The following PPHLN1 variants were observed in gnomAD, a reference collection of about 807,000 sequenced individuals.
The protein encoded by PPHLN1 is periphilin 1.
Under a neutral mutation model 51.3 loss-of-function variants are expected in PPHLN1, and 29 were observed. The ratio of observed to expected loss-of-function variants is 0.57; its 90% CI spans 0.42 to 0.77. PPHLN1 has a LOEUF of 0.77. Ranked by LOEUF, PPHLN1 falls within the 30% of genes least tolerant of loss-of-function variation. The pLI, the probability that PPHLN1 is intolerant of heterozygous loss-of-function variation, is 0.00. For synonymous variants in PPHLN1, 147 were observed against 147.8 expected (o/e 0.99, Z 0.04); for missense variants, 436 against 438.4 (o/e 0.99, Z 0.05).
At chr12:42,441,243 C>T in intron 9 of PPHLN1, 72 bp from the exon 10 acceptor site, 1 of 1,478,398 alleles carries the variant, frequency 6.8e-7, no homozygotes, top group South Asian at 1.5e-5. Flanking sequence ...CATAATTCTG[C>T]CAACTCAGTT....
At chr12:42,376,245 T>C in intron 5 of PPHLN1, among the ~76,000 whole-genome samples, 1 of 152,210 alleles carries the variant, frequency 6.6e-6, no homozygotes, top group East Asian at 1.9e-4. Context: ...TCATTAACTG[T>C]CTTTTTTTCA....
intron 4 of PPHLN1, 37 bp from the exon 5 acceptor site, chr12:42,374,826 A>G (rs2076114300): frequency 1.3e-6 from 2 of 1,482,446 alleles, no homozygotes; most frequent in African/African-American, 1.5e-5. Flanking sequence ...AGGATAGAGT[A>G]TAATTAACTT....
chr12:42,354,799 G>A (rs1203322106), intron 3 of PPHLN1, among the ~76,000 whole-genome samples: 4 of 152,140 alleles, frequency 2.6e-5, no homozygotes, highest in African/African-American at 7.2e-5. Context: ...ACTGAAAATT[G>A]GTGAGAGAAC....
At chr12:42,393,004 C>A (rs1392264595) in intron 7 of PPHLN1, among the ~76,000 whole-genome samples, 2 of 152,138 alleles carry the variant, frequency 1.3e-5, no homozygotes, top group African/African-American at 4.8e-5. Context: ...AAAGCCAGGT[C>A]TGTATATAAC....
intron 9 of PPHLN1, among the ~76,000 whole-genome samples, chr12:42,420,475 T>A (rs2139680643): frequency 6.6e-6 from 1 of 152,060 alleles, no homozygotes; most frequent in South Asian, 2.1e-4. Context: ...AAATGATTTT[T>A]TTTTTTTTTC....
At chr12:42,419,311 GGCTCACT>G (rs951842047) in intron 9 of PPHLN1, among the ~76,000 whole-genome samples, 6 of 151,262 alleles carry the variant, frequency 4.0e-5, no homozygotes, top group African/African-American at 1.5e-4. Context: ...GTGTGATCTC[GGCTCACT>G]GCAACCTCTG....
chr12:42,396,183 T>A (rs2078180726), intron 8 of PPHLN1, among the ~76,000 whole-genome samples: 1 of 152,178 alleles, frequency 6.6e-6, no homozygotes, highest in Non-Finnish European at 1.5e-5. Flanking sequence ...TAATTTATTA[T>A]TAATATGTTC....
intron 9 of PPHLN1, among the ~76,000 whole-genome samples, chr12:42,408,768 A>G (rs1442782923): frequency 6.6e-6 from 1 of 152,188 alleles, no homozygotes; most frequent in Non-Finnish European, 1.5e-5. Context: ...ATCTGCTATT[A>G]TTGTTTTGTG....
intron 9 of PPHLN1, among the ~76,000 whole-genome samples, chr12:42,404,261 G>A (rs1333967116): frequency 6.6e-6 from 1 of 152,144 alleles, no homozygotes; most frequent in Non-Finnish European, 1.5e-5. Context: ...GGGCACAGTG[G>A]CTCACGCCTG....
chr12:42,333,138 G>A (rs953384485), intron 1 of PPHLN1, among the ~76,000 whole-genome samples: 4 of 152,064 alleles, frequency 2.6e-5, no homozygotes, highest in African/African-American at 7.2e-5. Context: ...TCTTTGCTTA[G>A]CAGTATATCT....
chr12:42,340,138 C>G (rs1163809609), intron 2 of PPHLN1, among the ~76,000 whole-genome samples: 1 of 151,664 alleles, frequency 6.6e-6, no homozygotes, highest in Non-Finnish European at 1.5e-5. Flanking sequence ...GAGACCCTGT[C>G]TCTACAAAAA....
intron 3 of PPHLN1, among the ~76,000 whole-genome samples, chr12:42,352,704 A>T (rs2073530634): frequency 6.6e-6 from 1 of 151,878 alleles, no homozygotes; most frequent in African/African-American, 2.4e-5. Context: ...AAGTGTTAGG[A>T]TTATAGGTGT....
intron 5 of PPHLN1, among the ~76,000 whole-genome samples, chr12:42,383,388 T>C (rs2076920775): frequency 1.3e-5 from 2 of 152,202 alleles, no homozygotes; most frequent in Admixed American, 1.3e-4. Context: ...TTCTCTGAAA[T>C]ATCACCATTA....
chr12:42,368,201 C>T (rs1045263814), intron 4 of PPHLN1, among the ~76,000 whole-genome samples: 1 of 152,084 alleles, frequency 6.6e-6, no homozygotes, highest in Non-Finnish European at 1.5e-5. Flanking sequence ...TTCCTGCATA[C>T]TTACAAATTT....
At chr12:42,415,911 A>G (rs558057697) in intron 9 of PPHLN1, among the ~76,000 whole-genome samples, 1 of 152,322 alleles carries the variant, frequency 6.6e-6, no homozygotes, top group East Asian at 1.9e-4. Flanking sequence ...GCTTTCTAAT[A>G]TGCTTATTTG....
chr12:42,388,587 C>T (rs1477432453), intron 7 of PPHLN1, among the ~76,000 whole-genome samples: 1 of 152,044 alleles, frequency 6.6e-6, no homozygotes, highest in Non-Finnish European at 1.5e-5. Flanking sequence ...TTATGGTGAG[C>T]GTCGGTCCCC....
At chr12:42,377,088 A>C (rs1415081579) in intron 5 of PPHLN1, among the ~76,000 whole-genome samples, 2 of 146,008 alleles carry the variant, frequency 1.4e-5, no homozygotes, top group Non-Finnish European at 3.0e-5. Context: ...TTCTTAAAAC[A>C]TGAGGCTTTT....
chr12:42,380,625 C>A (rs565799985), intron 5 of PPHLN1, among the ~76,000 whole-genome samples: 1 of 151,910 alleles, frequency 6.6e-6, no homozygotes, highest in Non-Finnish European at 1.5e-5. Context: ...AGCTGAAATT[C>A]TTTTTTTAAA....
At chr12:42,378,533 A>G (rs1669910) in intron 5 of PPHLN1, among the ~76,000 whole-genome samples, 1 of 151,622 alleles carries the variant, frequency 6.6e-6, no homozygotes, top group Non-Finnish European at 1.5e-5. Context: ...GAAATTTTGA[A>G]AAAGACGTAA....
Sources: allele counts gnomAD v4.1 joint callset (sites outside exome capture counted in the v4.1 genomes callset), GRCh38; gene constraint gnomAD v4.1.1; transcripts MANE v1.5; gene names NCBI Gene and HGNC (gene_info 2026-07-23, HGNC 2026-07-21).